CDC5L: variants seen among roughly 807,000 people sequenced by gnomAD.
CDC5L encodes cell division cycle 5 like.
CDC5L carries 18 observed loss-of-function variants against 104.1 expected under a neutral mutation model. That is an observed-to-expected ratio of 0.17 (90% CI 0.12 to 0.26). The LOEUF (loss-of-function observed/expected upper bound fraction) is 0.26, where lower values mean the gene tolerates loss of function less well. Among genes scored for constraint, CDC5L ranks in the 10% least tolerant of loss-of-function variants. CDC5L has a pLI of 1.00. For synonymous variants in CDC5L, 331 were observed against 322.7 expected (o/e 1.03, Z -0.28); for missense variants, 673 against 956.9 (o/e 0.70, Z 3.91).
At chr6:44,402,283 T>G (rs1025163773) in intron 5 of CDC5L, among the ~76,000 whole-genome samples, 5 of 151,658 alleles carry the variant, frequency 3.3e-5, no homozygotes, top group African/African-American at 1.2e-4. Context: ...AGTGTAAAAG[T>G]GTTCCTATTT....
In CDC5L at chr6:44,446,984, C is replaced by T. The variant is rs750237646; in HGVS notation, c.*273C>T. The T allele has an allele frequency of 7.5e-5, 17 of 227,576 alleles. No individual in the cohort carries two copies. The highest frequency in any genetic ancestry group is 1.4e-4 in the Non-Finnish European group (16 of 118,418). The allele number at this position is 227,576 out of a possible 1,614,324, so 14.1% of individuals were successfully genotyped here. A position where few individuals can be genotyped will look rare whatever the true frequency, so the allele number is the denominator to read the frequency against. On this transcript the variant is annotated 3_prime_UTR_variant, in exon 16 of 16. Coordinates refer to ENST00000371477, the MANE Select transcript of CDC5L (RefSeq NM_001253.4). ...AGTTTTGGCCTTTAATTTAAAAAGC[C>T]TAATTTTAAAGTGCTGCCTGTGAGT... is the stretch of plus-strand genomic sequence containing the variant.
intron 14 of CDC5L, among the ~76,000 whole-genome samples, chr6:44,439,050 A>C (rs145048710): frequency 0.013 from 1,999 of 152,132 alleles, 39 homozygotes; most frequent in Admixed American, 0.049. Context: ...CCATTAATCT[A>C]CTTTTTGTAT....
chr6:44,390,450 A>G, intron 2 of CDC5L, 79 bp downstream of exon 2: 1 of 897,710 alleles, frequency 1.1e-6, no homozygotes. Flanking sequence ...TGTGAACCTT[A>G]TCAAAGAAAG....
chr6:44,426,086 T>G lies in CDC5L; in HGVS notation c.1570-17T>G, dbSNP rs1261171303. ...TACGCTATAGCTGCAATAAAGGATA[T>G]AAAAATCATTTTTTAGGCCATACGA... On this transcript the variant is annotated splice_polypyrimidine_tract_variant and intron_variant, in intron 11 of 15. Coordinates refer to ENST00000371477, the MANE Select transcript of CDC5L (RefSeq NM_001253.4). 1.3e-6 allele frequency: 2 copies of G among 1,558,430 alleles called. No homozygotes were observed. The highest frequency in any genetic ancestry group is 1.8e-6 in the Non-Finnish European group (2 of 1,140,718).
Position 44,403,825 on chromosome 6 carries a change from CA to C in CDC5L, c.562del (p.Arg188GlufsTer9). 6.2e-7 allele frequency: 1 copy of C among 1,606,080 alleles called. No individual in the cohort carries two copies. The highest frequency in any genetic ancestry group is 1.1e-5 in the South Asian group (1 of 89,122). ...LEEARRLAALQKRRELRAAGI... is the reference protein window; with the variant it reads ...LEEARRLAALXKRRELRAAGI... ...TCTTTTCAGACGTCTTGCTGCCCTC[CA>C]AAAAAGAAGAGAACTTCGAGCAGCT... is the stretch of plus-strand genomic sequence containing the variant. On this transcript the variant is annotated frameshift_variant, in exon 6 of 16. Coordinates refer to ENST00000371477, the MANE Select transcript of CDC5L (RefSeq NM_001253.4). LOFTEE classifies it high-confidence loss of function.
intron 13 of CDC5L, 70 bp from the exon 14 acceptor site, chr6:44,429,643 C>T: frequency 7.1e-7 from 1 of 1,400,678 alleles, no homozygotes; most frequent in Admixed American, 1.9e-5. Flanking sequence ...AAAAATTAGT[C>T]TTCTAAAGCT....
chr6:44,394,881 A>G (rs865792034), intron 4 of CDC5L, among the ~76,000 whole-genome samples: 1,094 of 38,116 alleles, frequency 0.029, 31 homozygotes, highest in African/African-American at 0.095. Flanking sequence ...AAAAAAAAAA[A>G]AAAATGGTAT....
rs897107684 is a variant in CDC5L, at chr6:44,428,105, C to G, written c.1893+1381C>G. ...AGTTTAAAGATAACTTAGCCATATT[C>G]TCTCGTAATGATTATAAGATCTGAA... On this transcript the variant is annotated intron_variant, in intron 13 of 15. Transcript: ENST00000371477. Among the ~76,000 whole-genome samples, 9 of 152,284 alleles carry G rather than the reference C, an allele frequency of 5.9e-5. No homozygotes were observed. The East Asian group carries it at 9.6e-4, about 16-fold the overall frequency.
intron 8 of CDC5L, among the ~76,000 whole-genome samples, chr6:44,410,290 T>A (rs574837578): frequency 6.6e-6 from 1 of 152,336 alleles, no homozygotes; most frequent in African/African-American, 2.4e-5. Flanking sequence ...CTTTTTTAGA[T>A]CCCACAAATA....
chr6:44,402,233 G>A (rs1791163674), intron 5 of CDC5L, among the ~76,000 whole-genome samples: 1 of 149,338 alleles, frequency 6.7e-6, no homozygotes, highest in Non-Finnish European at 1.5e-5. Flanking sequence ...TCGCCACACT[G>A]ACTTCCACAA....
chr6:44,399,677 CG>C (rs1791029688), intron 5 of CDC5L, among the ~76,000 whole-genome samples: 1 of 152,188 alleles, frequency 6.6e-6, no homozygotes, highest in East Asian at 1.9e-4. Flanking sequence ...TTTTTTGAGA[CG>C]GGGTCTTGCT....
intron 5 of CDC5L, among the ~76,000 whole-genome samples, chr6:44,399,689 C>G (rs1791030832): frequency 6.6e-6 from 1 of 152,162 alleles, no homozygotes; most frequent in South Asian, 2.1e-4. Context: ...GGGTCTTGCT[C>G]TGTTGCCAGG....
intron 1 of CDC5L, among the ~76,000 whole-genome samples, chr6:44,388,482 G>A (rs994172134): frequency 1.3e-5 from 2 of 152,064 alleles, no homozygotes; most frequent in East Asian, 1.9e-4. Context: ...GGAAAAACTG[G>A]CCTAGGATAG....
chr6:44,436,967 T>C lies in CDC5L; in HGVS notation c.2091+7057T>C, dbSNP rs183858070. Among the ~76,000 whole-genome samples the C allele has an allele frequency of 3.8e-3, 576 of 152,358 alleles. 3 individuals carry two copies. Among genetic ancestry groups the C allele is most frequent in the African/African-American group, 0.013 (543 of 41,578 alleles). On this transcript the variant is annotated intron_variant, in intron 14 of 15. Coordinates refer to ENST00000371477, the MANE Select transcript of CDC5L (RefSeq NM_001253.4). ...TTTATTTAAGACTATTAGAAATTTT[T>C]TGTCAGTACATATTTAAAGCACAGT... is the stretch of plus-strand genomic sequence containing the variant.
intron 10 of CDC5L, among the ~76,000 whole-genome samples, chr6:44,423,308 G>A (rs1261421792): frequency 2.6e-5 from 4 of 152,070 alleles, no homozygotes; most frequent in African/African-American, 9.7e-5. Flanking sequence ...AACTCTGAAT[G>A]GATACATAAG....
rs1404901978 is a variant in CDC5L at position 44,422,824 on chromosome 6, C to T, written c.1404+15C>T. On this transcript the variant is annotated intron_variant, in intron 10 of 15. Coordinates refer to ENST00000371477, the MANE Select transcript of CDC5L (RefSeq NM_001253.4). ...TGAAGCAGATGGTAAATGTCAATTCCCTTTTAATACTCTTAAATTTTTTTT... is the reference window on the plus strand; with the variant it reads ...TGAAGCAGATGGTAAATGTCAATTCTCTTTTAATACTCTTAAATTTTTTTT... The T allele has an allele frequency of 6.4e-7, 1 of 1,564,282 alleles. No homozygotes were observed. Among genetic ancestry groups the T allele is most frequent in the Non-Finnish European group, 8.7e-7 (1 of 1,155,822 alleles).
intron 8 of CDC5L, 136 bp from the exon 9 acceptor site, chr6:44,419,313 C>T: frequency 1.4e-6 from 1 of 718,182 alleles, no homozygotes; most frequent in African/African-American, 1.8e-5. Context: ...GACTGGTATT[C>T]ATTTTCTCTG....
chr6:44,414,430 G>T (rs13208709), intron 8 of CDC5L, among the ~76,000 whole-genome samples: 3 of 141,056 alleles, frequency 2.1e-5, no homozygotes, highest in African/African-American at 8.2e-5. Flanking sequence ...GTGTGTGTGT[G>T]TATTTTTTTT....
chr6:44,401,711 A>G (rs1306485490), intron 5 of CDC5L, among the ~76,000 whole-genome samples: 1 of 151,652 alleles, frequency 6.6e-6, no homozygotes, highest in East Asian at 1.9e-4. Flanking sequence ...TGTGCAGGTT[A>G]GTTACATATG....
Sources: gnomAD v4.1 joint callset for allele counts (sites outside exome capture counted in the v4.1 genomes callset) on GRCh38, gnomAD v4.1.1 for gene constraint, MANE v1.5 for transcripts, NCBI Gene and HGNC (gene_info 2026-07-23, HGNC 2026-07-21) for gene names.